Variants in RCL1 observed in about 807,000 individuals in gnomAD.
The protein encoded by RCL1 is RNA terminal phosphate cyclase like 1.
In RCL1, 24 loss-of-function variants were observed where a neutral mutation model predicts 42.4. The ratio of observed to expected loss-of-function variants is 0.57; its 90% CI spans 0.41 to 0.80. The LOEUF is 0.80. Ranked by LOEUF, RCL1 falls within the 30% of genes least tolerant of loss-of-function variation. RCL1 has a pLI of 0.00. For synonymous variants in RCL1, 228 were observed against 177.3 expected, an observed-to-expected ratio of 1.29 and a Z score of -2.27; for missense variants, 578 against 467.9, an observed-to-expected ratio of 1.24 and a Z score of -2.17.
At chr9:4,798,736 T>A (rs1842951530) in intron 1 of RCL1, among the ~76,000 whole-genome samples, 1 of 152,216 alleles carries the variant, frequency 6.6e-6, no homozygotes, top group South Asian at 2.1e-4. Flanking sequence ...GATGGACAAC[T>A]GGTTTTGGGG....
At chr9:4,827,751 T>TGCAC (rs1482531721) in intron 3 of RCL1, among the ~76,000 whole-genome samples, 124 of 114,410 alleles carry the variant, frequency 1.1e-3, no homozygotes, top group Middle Eastern at 7.5e-3. Flanking sequence ...TGTGTGTGTG[T>TGCAC]GTGTGCACGC....
intron 6 of RCL1, among the ~76,000 whole-genome samples, chr9:4,842,118 T>G (rs1056802799): frequency 6.6e-6 from 1 of 152,176 alleles, no homozygotes; most frequent in Non-Finnish European, 1.5e-5. Flanking sequence ...GTTTGTGGGT[T>G]TTGTTTGTTT....
At chr9:4,842,355 A>AG (rs1254481367) in intron 6 of RCL1, among the ~76,000 whole-genome samples, 1 of 152,226 alleles carries the variant, frequency 6.6e-6, no homozygotes. Context: ...AGAGTAAAGG[A>AG]GGGGGGTGAG....
At chr9:4,855,514 C>A (rs457417) in intron 8 of RCL1, among the ~76,000 whole-genome samples, 124,984 of 152,100 alleles carry the variant, frequency 0.82, 52,140 homozygotes, top group East Asian at 1. Flanking sequence ...GGCTGTGGAG[C>A]AGGACGTGGA....
intron 3 of RCL1, among the ~76,000 whole-genome samples, chr9:4,827,781 A>T (rs867130873): frequency 3.8e-4 from 29 of 76,668 alleles, no homozygotes; most frequent in Middle Eastern, 5.8e-3. Flanking sequence ...TGTGTGTGTG[A>T]GAGAGAGAGA....
intron 8 of RCL1, among the ~76,000 whole-genome samples, chr9:4,856,048 TGTGTTAGTTTGAG>T (rs1320551309): frequency 6.6e-6 from 1 of 152,162 alleles, no homozygotes; most frequent in African/African-American, 2.4e-5. Flanking sequence ...GCCCCAGGCC[TGTGTTAGTTTGAG>T]GCAGCAGCAA....
At position 4,860,400 on chromosome 9, in the gene RCL1, G is replaced by T. The variant is rs1165439474; in HGVS notation, c.*125G>T. 1 of 1,016,680 alleles carries T rather than the reference G, an allele frequency of 9.8e-7. No homozygotes were observed. Among genetic ancestry groups the T allele is most frequent in the South Asian group, 1.7e-5 (1 of 57,618 alleles). The allele number at this position is 1,016,680 out of a possible 1,614,324, so 63.0% of individuals were successfully genotyped here. A position where few individuals can be genotyped will look rare whatever the true frequency, so the allele number is the denominator to read the frequency against. On this transcript the variant is annotated 3_prime_UTR_variant, in exon 9 of 9. Coordinates refer to ENST00000381750, the MANE Select transcript of RCL1 (RefSeq NM_005772.5). Reference sequence around the variant, plus strand: ...AGCCACTTGCTTAATTTTCTGTGAAGAAATATCAATATACAAATAAAAGAC... The same window carrying T: ...AGCCACTTGCTTAATTTTCTGTGAATAAATATCAATATACAAATAAAAGAC...
chr9:4,809,563 C>A (rs1037044145), intron 1 of RCL1, among the ~76,000 whole-genome samples: 1 of 152,184 alleles, frequency 6.6e-6, no homozygotes, highest in African/African-American at 2.4e-5. Context: ...CCGCCTCGGC[C>A]TCCCAGAGTG....
At chr9:4,849,129 GTCC>G (rs747795013) in intron 7 of RCL1, among the ~76,000 whole-genome samples, 127 of 146,490 alleles carry the variant, frequency 8.7e-4, no homozygotes, top group Non-Finnish European at 1.4e-3. Flanking sequence ...TAAAGATGAT[GTCC>G]TCCTGCTGCT....
intron 1 of RCL1, among the ~76,000 whole-genome samples, chr9:4,814,659 A>G (rs958381641): frequency 2.6e-5 from 4 of 152,028 alleles, no homozygotes; most frequent in African/African-American, 7.2e-5. Flanking sequence ...ATGGTTTTCT[A>G]TAGTGATAAG....
At chr9:4,841,427 C>G in intron 6 of RCL1, 70 bp downstream of exon 6, 1 of 1,259,610 alleles carries the variant, frequency 7.9e-7, no homozygotes, top group Non-Finnish European at 1.1e-6. Flanking sequence ...GAAGTTAAAA[C>G]TGCCAGCTCT....
At chr9:4,835,535 A>G (rs975184094) in intron 5 of RCL1, among the ~76,000 whole-genome samples, 1 of 152,238 alleles carries the variant, frequency 6.6e-6, no homozygotes. Context: ...GACAGGAAAG[A>G]GAAGGAGAAG....
intron 5 of RCL1, among the ~76,000 whole-genome samples, chr9:4,837,147 G>A (rs1275657231): frequency 6.6e-6 from 1 of 152,280 alleles, no homozygotes; most frequent in African/African-American, 2.4e-5. Context: ...GAAATGCAAT[G>A]TAACTAGGTG....
At position 4,819,002 on chromosome 9, in the gene RCL1, A is replaced by G. The variant is rs141123718; in HGVS notation, c.137-4546A>G. 5.2e-4 allele frequency among the ~76,000 whole-genome samples: 79 copies of G among 152,326 alleles called. No homozygotes were observed. The East Asian group carries it at 0.015, about 28-fold the overall frequency. ...GCACATGGTATTATAAAGATCTGTC[A>G]TAGGCCATTTAATGAAAACAGTTTT... is the stretch of plus-strand genomic sequence containing the variant. On this transcript the variant is annotated intron_variant, in intron 1 of 8. Transcript: ENST00000381750.
intron 3 of RCL1, among the ~76,000 whole-genome samples, chr9:4,830,448 A>T (rs1485825611): frequency 6.6e-6 from 1 of 152,188 alleles, no homozygotes; most frequent in African/African-American, 2.4e-5. Context: ...CCTTATGAAG[A>T]GGAAGAAGAC....
At chr9:4,834,389 T>G (rs538540542) in intron 5 of RCL1, 124 bp downstream of exon 5, 7 of 1,163,046 alleles carry the variant, frequency 6.0e-6, no homozygotes, top group Admixed American at 5.4e-5. Context: ...CTTTGAAAAG[T>G]CTTAACAGTG....
At chr9:4,811,016 T>C (rs1816154321) in intron 1 of RCL1, among the ~76,000 whole-genome samples, 1 of 152,190 alleles carries the variant, frequency 6.6e-6, no homozygotes, top group African/African-American at 2.4e-5. Context: ...AGCATATCCA[T>C]CACCTCAAAC....
At chr9:4,816,460 A>G (rs1179602691) in intron 1 of RCL1, among the ~76,000 whole-genome samples, 2 of 152,192 alleles carry the variant, frequency 1.3e-5, no homozygotes, top group African/African-American at 2.4e-5. Context: ...TTCTTTTTAA[A>G]ATAGAATTTG....
At chr9:4,817,633 G>T (rs1252304976) in intron 1 of RCL1, among the ~76,000 whole-genome samples, 2 of 151,674 alleles carry the variant, frequency 1.3e-5, no homozygotes, top group African/African-American at 2.4e-5. Context: ...TGGGACTGGG[G>T]CTACTGGTGT....
Sources: allele counts gnomAD v4.1 joint callset (sites outside exome capture counted in the v4.1 genomes callset), GRCh38; gene constraint gnomAD v4.1.1; transcripts MANE v1.5; gene names NCBI Gene and HGNC (gene_info 2026-07-23, HGNC 2026-07-21).